PHF21B: variants seen among roughly 807,000 people sequenced by gnomAD.
PHF21B encodes PHD finger protein 21B, also known as PHD finger protein 4.
Under a neutral mutation model 62.2 loss-of-function variants are expected in PHF21B, and 22 were observed. That is an observed-to-expected ratio of 0.35 (90% CI 0.25 to 0.51). PHF21B has a LOEUF of 0.51. Among genes scored for constraint, PHF21B ranks in the 20% least tolerant of loss-of-function variants. The pLI is 0.97. For missense variants in PHF21B, 701 were observed against 707.9 expected (o/e 0.99, Z 0.11); for synonymous variants, 341 against 314.7 (o/e 1.08, Z -0.88).
intron 7 of PHF21B, among the ~76,000 whole-genome samples, chr22:44,892,355 CTGA>C (rs958236712): frequency 2.0e-5 from 3 of 152,234 alleles, no homozygotes; most frequent in African/African-American, 7.2e-5. Flanking sequence ...CGTGGACAGG[CTGA>C]TGAGGCCAGA....
At chr22:44,892,186 G>C (rs1436831150) in intron 7 of PHF21B, among the ~76,000 whole-genome samples, 1 of 152,188 alleles carries the variant, frequency 6.6e-6, no homozygotes, top group Non-Finnish European at 1.5e-5. Context: ...CCATTTCCTT[G>C]GGTGGAGGCT....
At chr22:45,000,313 G>T (rs545391962) in intron 2 of PHF21B, among the ~76,000 whole-genome samples, 1 of 152,152 alleles carries the variant, frequency 6.6e-6, no homozygotes, top group African/African-American at 2.4e-5. Flanking sequence ...GCCTCCCCGA[G>T]ACACTGCCCC....
At chr22:44,988,974 A>AT (rs1373440897) in intron 2 of PHF21B, 2 of 152,136 alleles carry the variant, frequency 1.3e-5, no homozygotes, top group African/African-American at 4.8e-5. Flanking sequence ...AGCCTCTTTT[A>AT]TAAGGGCACT....
intron 2 of PHF21B, among the ~76,000 whole-genome samples, chr22:44,953,996 A>G (rs2072244398): frequency 6.6e-6 from 1 of 151,944 alleles, no homozygotes; most frequent in Non-Finnish European, 1.5e-5. Flanking sequence ...CCACCACCCC[A>G]CCGGGCTCTT....
chr22:44,964,706 T>A (rs73889896), intron 2 of PHF21B, among the ~76,000 whole-genome samples: 1 of 152,232 alleles, frequency 6.6e-6, no homozygotes, highest in Non-Finnish European at 1.5e-5. Context: ...TGTTCATTCA[T>A]TCATTCACTC....
chr22:44,912,548 G>A (rs373893451), intron 5 of PHF21B, among the ~76,000 whole-genome samples: 48 of 152,218 alleles, frequency 3.2e-4, no homozygotes, highest in African/African-American at 8.4e-4. Flanking sequence ...TTTGCCTGCC[G>A]CCATGTAAGA....
rs1401556251 is a variant in PHF21B, at chr22:45,007,566, G to A, written c.120+979C>T. On this transcript the variant is annotated intron_variant, in intron 2 of 12. Coordinates refer to ENST00000313237, the MANE Select transcript of PHF21B (RefSeq NM_138415.5). ...GCGCGGGCGGGGGCGGGGCGCGAAG[G>A]AGGGAGGGAGGGGGCAGCGGAGGGA... Among the ~76,000 whole-genome samples the A allele has an allele frequency of 8.9e-5, 8 of 90,156 alleles. 1 individual carries two copies. Among genetic ancestry groups the A allele is most frequent in the South Asian group, 3.4e-4 (1 of 2,936 alleles). 59.1% of individuals were successfully genotyped at this position (90,156 alleles called of 152,430 possible).
Position 45,009,729 on chromosome 22 carries a change from T to G in PHF21B, c.-180A>C, listed in dbSNP as rs1365009957. On this transcript the variant is annotated 5_prime_UTR_variant, in exon 1 of 13. Transcript: ENST00000313237. The surrounding 1 kb of genome is among the most constrained non-coding windows in gnomAD (Gnocchi z 5.9). ...GGGCTGGCGAAGGGGAAGACAGGCT[T>G]CCGGGCGCCGCGGCGCCGAGCCCTC... 3 of 515,564 alleles carry G rather than the reference T, an allele frequency of 5.8e-6. No individual in the cohort carries two copies. The highest frequency in any genetic ancestry group is 2.1e-5 in the African/African-American group (1 of 48,328). 31.9% of individuals were successfully genotyped at this position (515,564 alleles called of 1,614,324 possible).
chr22:44,966,597 TCCC>T (rs1396164320), intron 2 of PHF21B, among the ~76,000 whole-genome samples: 1 of 150,794 alleles, frequency 6.6e-6, no homozygotes, highest in African/African-American at 2.4e-5. Flanking sequence ...GAGCCAGAAG[TCCC>T]CCCTTCAGAG....
chr22:44,938,643 A>G (rs1453107553), intron 2 of PHF21B, among the ~76,000 whole-genome samples: 3 of 152,240 alleles, frequency 2.0e-5, no homozygotes, highest in Non-Finnish European at 4.4e-5. Flanking sequence ...ATGCCCTCTC[A>G]GGGGCAGCAC....
At chr22:44,958,531 C>T (rs1601644722) in intron 2 of PHF21B, among the ~76,000 whole-genome samples, 1 of 151,506 alleles carries the variant, frequency 6.6e-6, no homozygotes, top group East Asian at 1.9e-4. Flanking sequence ...CACCTAGTCC[C>T]ATTCCATTAG....
Position 44,891,348 on chromosome 22 carries a change from C to T in PHF21B, c.973G>A (p.Ala325Thr), listed in dbSNP as rs774406999. 2 of 1,613,888 alleles carry T rather than the reference C, an allele frequency of 1.2e-6. No homozygotes were observed. Among genetic ancestry groups the T allele is most frequent in the East Asian group, 2.2e-5 (1 of 44,878 alleles). ...GLLETERKRL[A>T]SNYLNNPLFL... ...AGGGGGTTGTTGAGATAGTTGGAGG[C>T]CAGCCGTTTCCTCTGCAGGGACAGA... Residue 325 changes from alanine to threonine, a missense_variant, in exon 8 of 13, where the codon GCC becomes ACC. Physicochemically the swap from Ala to Thr is moderately conservative, Grantham distance 58. Coordinates refer to ENST00000313237, the MANE Select transcript of PHF21B (RefSeq NM_138415.5).
intron 2 of PHF21B, among the ~76,000 whole-genome samples, chr22:44,951,946 G>A (rs2072202384): frequency 6.6e-6 from 1 of 152,220 alleles, no homozygotes; most frequent in Non-Finnish European, 1.5e-5. Flanking sequence ...GTGAAATAAA[G>A]ATTCCGAGTA....
chr22:45,007,599 G>GGGC (rs1569290145), intron 2 of PHF21B, among the ~76,000 whole-genome samples: 3 of 108,640 alleles, frequency 2.8e-5, no homozygotes, highest in Non-Finnish European at 6.1e-5. Context: ...GGAGGGAGGG[G>GGGC]CGCCGCCGCC....
intron 2 of PHF21B, among the ~76,000 whole-genome samples, chr22:44,931,436 G>A (rs576474106): frequency 6.6e-6 from 1 of 152,312 alleles, no homozygotes; most frequent in Admixed American, 6.5e-5. Flanking sequence ...CAATCGCAGA[G>A]GCCTTTACAG....
In PHF21B at chr22:44,889,799, G is replaced by C. The variant is rs746644423; in HGVS notation, c.1016-17C>G. The C allele has an allele frequency of 3.9e-6, 6 of 1,551,252 alleles. No individual in the cohort carries two copies. The highest frequency in any genetic ancestry group is 4.3e-6 in the Non-Finnish European group (5 of 1,157,384). ...CCTCATTGGCTAGCACAGGGAAGAA[G>C]GGCGGAGAACACGTTAGTGGCCGTC... On this transcript the variant is annotated splice_polypyrimidine_tract_variant and intron_variant, in intron 8 of 12. Coordinates refer to ENST00000313237, the MANE Select transcript of PHF21B (RefSeq NM_138415.5).
At chr22:44,912,879 A>C (rs2071367374) in intron 5 of PHF21B, among the ~76,000 whole-genome samples, 1 of 31,926 alleles carries the variant, frequency 3.1e-5, no homozygotes, top group African/African-American at 9.8e-5. Flanking sequence ...ACTCTATCTC[A>C]AAAAAAAAAA....
chr22:44,937,160 C>A (rs1313723190), intron 2 of PHF21B, among the ~76,000 whole-genome samples: 2 of 152,158 alleles, frequency 1.3e-5, no homozygotes, highest in Non-Finnish European at 2.9e-5. Flanking sequence ...ACCACCGCAC[C>A]CGGCTGAACA....
intron 6 of PHF21B, among the ~76,000 whole-genome samples, chr22:44,895,721 A>C (rs991833815): frequency 6.6e-6 from 1 of 152,198 alleles, no homozygotes; most frequent in Non-Finnish European, 1.5e-5. Context: ...GAAACAAGGA[A>C]GTGCCACAGT....
Sources: gnomAD v4.1 joint callset for allele counts (sites outside exome capture counted in the v4.1 genomes callset) on GRCh38, gnomAD v4.1.1 for gene constraint, Gnocchi (gnomAD v3.1) non-coding constraint, MANE v1.5 for transcripts, NCBI Gene and HGNC (gene_info 2026-07-23, HGNC 2026-07-21) for gene names.